The following ITGB2 variants were observed in gnomAD, a reference collection of about 807,000 sequenced individuals.
ITGB2 encodes integrin beta-2.
Under a neutral mutation model 86.8 loss-of-function variants are expected in ITGB2, and 56 were observed. That is an observed-to-expected ratio of 0.65 (90% CI 0.52 to 0.81). The LOEUF (loss-of-function observed/expected upper bound fraction) is 0.81. Ranked by LOEUF, ITGB2 falls within the 30% of genes least tolerant of loss-of-function variation. The pLI is 0.00. For missense variants in ITGB2, 948 were observed against 1,061.2 expected (o/e 0.89, Z 1.48); for synonymous variants, 457 against 450.4 (o/e 1.01, Z -0.19).
chr21:44,924,487 G>A (rs773367806), upstream of ITGB2, among the ~76,000 whole-genome samples: 52 of 152,086 alleles, frequency 3.4e-4, no homozygotes, highest in Non-Finnish European at 5.3e-4. Flanking sequence ...TGCAAATTTG[G>A]CAGGTAGAGA....
At chr21:44,894,558 T>G in intron 9 of ITGB2, 1 of 305,388 alleles carries the variant, frequency 3.3e-6, no homozygotes, top group East Asian at 8.1e-5. Context: ...CCAGGACAGG[T>G]GAACAGAGCA....
chr21:44,889,147 C>T (rs1601281992), intron 13 of ITGB2, 129 bp downstream of exon 13: 4 of 909,150 alleles, frequency 4.4e-6, no homozygotes, highest in Non-Finnish European at 6.9e-6. Context: ...GCCCCTCAGT[C>T]CAGACGCACC....
At chr21:44,887,029 C>A in intron 14 of ITGB2, 127 bp from the exon 15 acceptor site, 4 of 1,091,742 alleles carry the variant, frequency 3.7e-6, no homozygotes, top group Non-Finnish European at 5.4e-6. Flanking sequence ...CCCCGGCTCA[C>A]CATCCATCAC....
Position 44,919,605 on chromosome 21 carries a change from G to A in ITGB2, c.-4+1216C>T, listed in dbSNP as rs576773845. 9.9e-4 allele frequency among the ~76,000 whole-genome samples: 150 copies of A among 152,258 alleles called. 1 individual carries two copies. Among genetic ancestry groups the A allele is most frequent in the African/African-American group, 3.3e-3 (138 of 41,532 alleles). On this transcript the variant is annotated intron_variant, in intron 1 of 15. Coordinates refer to ENST00000652462, the MANE Select transcript of ITGB2 (RefSeq NM_000211.5). ...GAATCCGGCCTCAGCCCCCAAACCCGCAGGCGTTGCGCCACCGTCACGGGG... is the reference window on the plus strand; with the variant it reads ...GAATCCGGCCTCAGCCCCCAAACCCACAGGCGTTGCGCCACCGTCACGGGG...
intron 1 of ITGB2, among the ~76,000 whole-genome samples, chr21:44,916,752 C>T (rs1041468417): frequency 1.3e-5 from 2 of 151,680 alleles, no homozygotes; most frequent in Non-Finnish European, 2.9e-5. Flanking sequence ...CCTGTAATCC[C>T]AGCTACTCGC....
At chr21:44,886,664 C>A (rs769986624) in intron 15 of ITGB2, 72 bp downstream of exon 15, 4 of 1,602,504 alleles carry the variant, frequency 2.5e-6, no homozygotes, top group Non-Finnish European at 3.4e-6. Flanking sequence ...CCACGGCCTC[C>A]CGCAGCAGGA....
chr21:44,898,068 G>A (rs772794741), intron 8 of ITGB2, among the ~76,000 whole-genome samples: 5 of 152,162 alleles, frequency 3.3e-5, no homozygotes, highest in Non-Finnish European at 7.3e-5. Context: ...CATTGTTCCT[G>A]GGGCCTCAGG....
intron 2 of ITGB2, 80 bp downstream of exon 2, chr21:44,910,645 A>G (rs754316566): frequency 2.6e-5 from 40 of 1,539,200 alleles, no homozygotes; most frequent in Non-Finnish European, 3.2e-5. Flanking sequence ...ACTTCTGTCT[A>G]TGGGAAAGTG....
chr21:44,916,063 T>C (rs1041534685), intron 1 of ITGB2, among the ~76,000 whole-genome samples: 2 of 152,074 alleles, frequency 1.3e-5, no homozygotes, highest in Non-Finnish European at 2.9e-5. Flanking sequence ...GCTGGGACTA[T>C]AGGTGCACAC....
chr21:44,910,856 C>A (rs1398176169), intron 1 of ITGB2, 71 bp from the exon 2 acceptor site: 37 of 1,491,720 alleles, frequency 2.5e-5, no homozygotes, highest in Non-Finnish European at 3.1e-5. Flanking sequence ...TGAAGCTCCC[C>A]TCCAGCTGGC....
intron 14 of ITGB2, among the ~76,000 whole-genome samples, chr21:44,888,106 G>A (rs2083725622): frequency 6.7e-6 from 1 of 149,930 alleles, no homozygotes; most frequent in South Asian, 2.1e-4. Context: ...TGCCACCAAG[G>A]TCACTGTGGG....
rs774620135 is a variant in ITGB2, at chr21:44,908,128, T to C, written c.148-1033A>G. ...GGACAGACGGGAGCCACCCGGCTTCTCCTCCGGGGACTGCTCGCCGCGGTG... is the reference window on the plus strand; with the variant it reads ...GGACAGACGGGAGCCACCCGGCTTCCCCTCCGGGGACTGCTCGCCGCGGTG... On this transcript the variant is annotated intron_variant, in intron 3 of 15. Coordinates refer to ENST00000652462, the MANE Select transcript of ITGB2 (RefSeq NM_000211.5). 6.1e-5 allele frequency: 45 copies of C among 733,698 alleles called. 1 individual carries two copies. Among genetic ancestry groups the C allele is most frequent in the Non-Finnish European group, 2.8e-5 (11 of 394,580 alleles). The allele number at this position is 733,698 out of a possible 1,614,324, so 45.4% of individuals were successfully genotyped here. A position where few individuals can be genotyped will look rare whatever the true frequency, so the allele number is the denominator to read the frequency against.
In ITGB2 at chr21:44,910,747, C is replaced by A. The variant is rs2084118855; in HGVS notation, c.36G>T (p.Val12=). 1 of 1,614,062 alleles carries A rather than the reference C, an allele frequency of 6.2e-7. No individual in the cohort carries two copies. Among genetic ancestry groups the A allele is most frequent in the Non-Finnish European group, 8.5e-7 (1 of 1,179,990 alleles). ...CACCGCACCCGAGGGAGAGCAGCCCCACCAGGGCGAGCAGTGGGGGGCGCA... is the reference window on the plus strand; with the variant it reads ...CACCGCACCCGAGGGAGAGCAGCCCAACCAGGGCGAGCAGTGGGGGGCGCA... ...LGLRPPLLAL[V]GLLSLGCVLS... The change falls in exon 2 of 16, where the codon GTG becomes GTT. Residue 12 remains valine, a synonymous_variant. Coordinates refer to ENST00000652462, the MANE Select transcript of ITGB2 (RefSeq NM_000211.5).
At chr21:44,889,920 C>G (rs1457977647) in intron 12 of ITGB2, 58 bp downstream of exon 12, 1 of 1,607,098 alleles carries the variant, frequency 6.2e-7, no homozygotes, top group Admixed American at 1.7e-5. Context: ...AACGCACCCC[C>G]CAACACCAAG....
At chr21:44,905,677 G>A (rs1333755826) in intron 4 of ITGB2, among the ~76,000 whole-genome samples, 8 of 152,150 alleles carry the variant, frequency 5.3e-5, no homozygotes, top group South Asian at 2.1e-4. Flanking sequence ...GCCTGCTCAC[G>A]GGGCAGCGAG....
At position 44,886,134 on chromosome 21, in the gene ITGB2, T is replaced by G; in HGVS notation, c.*234A>C. On this transcript the variant is annotated 3_prime_UTR_variant, in exon 16 of 16. Transcript: ENST00000652462. ...AAACACGCACCTAACCTCACCAACC[T>G]CAAGCCCTCCCTCCTCAAGTCTCCA... 1 of 588,532 alleles carries G rather than the reference T, an allele frequency of 1.7e-6. No individual in the cohort carries two copies. Among genetic ancestry groups the G allele is most frequent in the Non-Finnish European group, 3.1e-6 (1 of 327,590 alleles). 36.5% of individuals were successfully genotyped at this position (588,532 alleles called of 1,614,324 possible).
At chr21:44,903,324 G>A (rs1227330254) in intron 5 of ITGB2, 41 bp downstream of exon 5, 16 of 1,612,628 alleles carry the variant, frequency 9.9e-6, no homozygotes, top group Non-Finnish European at 1.4e-5. Flanking sequence ...GCCAGGGTCT[G>A]GGAAAGGACT....
chr21:44,889,554 G>A (rs544266354), intron 12 of ITGB2, 59 bp from the exon 13 acceptor site: 596 of 1,449,818 alleles, frequency 4.1e-4, no homozygotes, highest in Non-Finnish European at 5.2e-4. Context: ...AGACCCGCCC[G>A]AAACCCCACT....
upstream of ITGB2, among the ~76,000 whole-genome samples, chr21:44,921,523 G>C (rs116585722): frequency 9.1e-4 from 138 of 152,004 alleles, no homozygotes; most frequent in African/African-American, 3.2e-3. Context: ...CTGTTAACTA[G>C]GGACATTAGG....
Sources: gnomAD v4.1 joint callset for allele counts (sites outside exome capture counted in the v4.1 genomes callset) on GRCh38, gnomAD v4.1.1 for gene constraint, MANE v1.5 for transcripts, NCBI Gene and HGNC (gene_info 2026-07-23, HGNC 2026-07-21) for gene names.